TRPC6: variants seen among roughly 807,000 people sequenced by gnomAD.
The protein encoded by TRPC6 is transient receptor potential cation channel subfamily C member 6.
A neutral mutation model predicts 90.7 loss-of-function variants in TRPC6; 55 were observed. That is an observed-to-expected ratio of 0.61 (90% CI 0.49 to 0.76). TRPC6 has a LOEUF of 0.76. Among genes scored for constraint, TRPC6 ranks in the 30% least tolerant of loss-of-function variants. TRPC6 has a pLI of 0.00. For synonymous variants in TRPC6, 393 were observed against 393.0 expected (o/e 1.00, Z 0.00); for missense variants, 989 against 1,122.7 (o/e 0.88, Z 1.70).
Position 101,453,017 on chromosome 11 carries a change from G to C in TRPC6, c.2734C>G (p.Leu912Val). The C allele has an allele frequency of 6.2e-7, 1 of 1,613,842 alleles. No individual in the cohort carries two copies. Among genetic ancestry groups the C allele is most frequent in the South Asian group, 1.1e-5 (1 of 91,078 alleles). Reference protein sequence around the residue: ...KSQNTEDLAELIRELGEKLSM... With the variant: ...KSQNTEDLAEVIRELGEKLSM... ...AATTTCTCTCCAAGTTCTCTAATAA[G>C]TTCTGCTAGGTCTTCTGTATTCTGA... is the stretch of plus-strand genomic sequence containing the variant. The change falls in exon 13 of 13, where the codon CTT (leucine) becomes GTT (valine). Residue 912 changes from leucine (L) to valine (V), a missense_variant. Transcript: ENST00000344327.
At chr11:101,572,189 C>T (rs1303854133) in intron 1 of TRPC6, among the ~76,000 whole-genome samples, 8 of 151,360 alleles carry the variant, frequency 5.3e-5, no homozygotes, top group African/African-American at 1.9e-4. Context: ...AAACAAACAA[C>T]CCCATCAAAA....
intron 1 of TRPC6, among the ~76,000 whole-genome samples, chr11:101,528,494 C>G (rs755245579): frequency 2.5e-4 from 38 of 152,096 alleles, no homozygotes; most frequent in Admixed American, 4.6e-4. Flanking sequence ...TATCTTTAAA[C>G]AGATATTACT....
chr11:101,545,147 C>A (rs904384131), intron 1 of TRPC6, among the ~76,000 whole-genome samples: 1 of 152,064 alleles, frequency 6.6e-6, no homozygotes, highest in Non-Finnish European at 1.5e-5. Flanking sequence ...ACAGTCAGCC[C>A]TATGTATCCA....
chr11:101,502,640 C>G (rs1240131666), intron 2 of TRPC6, among the ~76,000 whole-genome samples: 1 of 152,166 alleles, frequency 6.6e-6, no homozygotes, highest in Non-Finnish European at 1.5e-5. Context: ...GTGAAAGTCT[C>G]TGTGTCCTAG....
chr11:101,582,917 C>A (rs1177571936), intron 1 of TRPC6, among the ~76,000 whole-genome samples: 1 of 152,194 alleles, frequency 6.6e-6, no homozygotes, highest in East Asian at 1.9e-4. Flanking sequence ...GTCATCTCTC[C>A]CCCACATAGG....
intron 1 of TRPC6, among the ~76,000 whole-genome samples, chr11:101,548,349 T>TA (rs1861364129): frequency 1.5e-5 from 2 of 137,414 alleles, no homozygotes; most frequent in African/African-American, 5.3e-5. Context: ...CAATATATAA[T>TA]TATATAATTA....
chr11:101,459,425 G>A (rs777107753), intron 10 of TRPC6, among the ~76,000 whole-genome samples: 16 of 152,076 alleles, frequency 1.1e-4, no homozygotes, highest in Non-Finnish European at 2.4e-4. Flanking sequence ...AACTGACAGT[G>A]GAATCAACAT....
intron 1 of TRPC6, among the ~76,000 whole-genome samples, chr11:101,575,666 T>A (rs146327673): frequency 1.0e-3 from 156 of 152,258 alleles, no homozygotes; most frequent in African/African-American, 3.6e-3. Context: ...CAGAGATGAA[T>A]GAATAAATAG....
chr11:101,500,490 G>A (rs960515669), intron 2 of TRPC6, among the ~76,000 whole-genome samples: 1 of 151,954 alleles, frequency 6.6e-6, no homozygotes, highest in African/African-American at 2.4e-5. Flanking sequence ...TTCCAGGTGT[G>A]AGCCACCATT....
chr11:101,497,688 ATT>A (rs928363915), intron 2 of TRPC6, among the ~76,000 whole-genome samples: 1 of 151,788 alleles, frequency 6.6e-6, no homozygotes, highest in Non-Finnish European at 1.5e-5. Context: ...AAAAGAGGGG[ATT>A]TTTTTTCCTT....
At chr11:101,567,080 T>C (rs1052488170) in intron 1 of TRPC6, among the ~76,000 whole-genome samples, 1 of 141,484 alleles carries the variant, frequency 7.1e-6, no homozygotes, top group African/African-American at 2.6e-5. Context: ...GTGGGGGGGG[T>C]CCAACCCCCA....
intron 2 of TRPC6, among the ~76,000 whole-genome samples, chr11:101,500,359 C>T (rs1421742627): frequency 6.6e-6 from 1 of 151,798 alleles, no homozygotes; most frequent in African/African-American, 2.4e-5. Context: ...CAGGTGTGTG[C>T]CATCATGCCC....
chr11:101,514,393 G>C (rs1170817618), intron 1 of TRPC6, among the ~76,000 whole-genome samples: 1 of 152,240 alleles, frequency 6.6e-6, no homozygotes, highest in Non-Finnish European at 1.5e-5. Flanking sequence ...GTCAGGGAAA[G>C]CCTTCTGAGG....
At position 101,491,555 on chromosome 11, in the gene TRPC6, C is replaced by CT. The variant is rs757446904; in HGVS notation, c.1128dup (p.Phe377IlefsTer17). On this transcript the variant is annotated frameshift_variant and splice_region_variant. Coordinates refer to ENST00000344327, the MANE Select transcript of TRPC6 (RefSeq NM_004621.6). LOFTEE classifies it high-confidence loss of function. ...TAAACGGGCTTCACGCCTGACCTTACTTTTTTTACTTCATATTTAATGGCA... is the reference window on the plus strand; with the variant it reads ...TAAACGGGCTTCACGCCTGACCTTACTTTTTTTTACTTCATATTTAATGGCA... 3.7e-6 allele frequency: 6 copies of CT among 1,613,198 alleles called. No individual in the cohort carries two copies. The African/African-American group carries it at 6.7e-5, about 18-fold the overall frequency.
intron 2 of TRPC6, 126 bp from the exon 3 acceptor site, chr11:101,491,864 G>A (rs533837245): frequency 2.4e-4 from 185 of 786,116 alleles, no homozygotes; most frequent in Non-Finnish European, 2.9e-4. Flanking sequence ...TTTTTGAGAC[G>A]GAGCCTGGCT....
chr11:101,559,457 G>C (rs1296642191), intron 1 of TRPC6, among the ~76,000 whole-genome samples: 7 of 152,008 alleles, frequency 4.6e-5, no homozygotes, highest in Admixed American at 2.0e-4. Context: ...TGTCACCATA[G>C]GTTTTAACAA....
chr11:101,507,550 G>A (rs1860303684), intron 1 of TRPC6, among the ~76,000 whole-genome samples: 1 of 152,026 alleles, frequency 6.6e-6, no homozygotes, highest in Non-Finnish European at 1.5e-5. Flanking sequence ...AATAAAGCAT[G>A]CATAGGTGAA....
chr11:101,555,202 T>C (rs892878713), intron 1 of TRPC6, among the ~76,000 whole-genome samples: 1 of 152,186 alleles, frequency 6.6e-6, no homozygotes, highest in African/African-American at 2.4e-5. Flanking sequence ...GAAATCAGGC[T>C]TCACCTATTA....
At chr11:101,508,833 A>C (rs1860332463) in intron 1 of TRPC6, among the ~76,000 whole-genome samples, 1 of 152,138 alleles carries the variant, frequency 6.6e-6, no homozygotes, top group South Asian at 2.1e-4. Flanking sequence ...AAATAGTAAC[A>C]TATCAAAACA....
Sources: gnomAD v4.1 joint callset for allele counts (sites outside exome capture counted in the v4.1 genomes callset) on GRCh38, gnomAD v4.1.1 for gene constraint, MANE v1.5 for transcripts, NCBI Gene and HGNC (gene_info 2026-07-23, HGNC 2026-07-21) for gene names.